PREP: variants seen among roughly 807,000 people sequenced by gnomAD.
The protein encoded by PREP is prolyl endopeptidase.
A neutral mutation model predicts 87.6 loss-of-function variants in PREP; 29 were observed. The observed-to-expected ratio is 0.33, with a 90% confidence interval of 0.25 to 0.45. The LOEUF (loss-of-function observed/expected upper bound fraction) is 0.45, where lower values mean the gene tolerates loss of function less well. Ranked by LOEUF, PREP falls within the 20% of genes least tolerant of loss-of-function variation. The pLI is 1.00. For synonymous variants in PREP, 337 were observed against 328.6 expected (o/e 1.03, Z -0.28); for missense variants, 695 against 886.5 (o/e 0.78, Z 2.74).
chr6:105,374,651 TATATATATATATATATATA>T (rs1562221710), intron 4 of PREP, among the ~76,000 whole-genome samples: 2 of 7,966 alleles, frequency 2.5e-4, no homozygotes, highest in African/African-American at 5.2e-3. Context: ...TATATATATA[TATATATATATATATATATA>T]TATATATATA....
intron 2 of PREP, among the ~76,000 whole-genome samples, chr6:105,384,761 G>C (rs772099830): frequency 6.6e-6 from 1 of 152,164 alleles, no homozygotes; most frequent in Non-Finnish European, 1.5e-5. Flanking sequence ...GGGCTACAAG[G>C]ACTGTGAGAA....
chr6:105,332,311 G>A (rs934261067), intron 8 of PREP, among the ~76,000 whole-genome samples: 2 of 151,958 alleles, frequency 1.3e-5, no homozygotes, highest in Admixed American at 6.6e-5. Flanking sequence ...CCCAAGCAAC[G>A]CTAGGTTTAA....
chr6:105,353,117 A>G (rs375588092), intron 6 of PREP, 40 bp from the exon 7 acceptor site: 37 of 1,475,044 alleles, frequency 2.5e-5, no homozygotes, highest in East Asian at 1.6e-4. Context: ...ACTAATTAGA[A>G]TTTATTTTTG....
rs550524341 is a variant in PREP at position 105,275,130 on chromosome 6, C to T, written c.*3014G>A. On this transcript the variant is annotated 3_prime_UTR_variant, in exon 15 of 15. Transcript: ENST00000652536. Reference sequence around the variant, plus strand: ...ACCACCCCAACAGTATGACCTTTGCCTCTTTACAGCAACCTCCACAGCTTT... The same window carrying T: ...ACCACCCCAACAGTATGACCTTTGCTTCTTTACAGCAACCTCCACAGCTTT... Among the ~76,000 whole-genome samples, 91 of 152,300 alleles carry T rather than the reference C, an allele frequency of 6.0e-4. No homozygotes were observed. The highest frequency in any genetic ancestry group is 2.9e-5 in the Non-Finnish European group (2 of 68,026).
Position 105,276,273 on chromosome 6 carries a change from TTCC to T in PREP, c.*1868_*1870del, listed in dbSNP as rs1253649072. ...TAGGCATTAAAAACGTATTACTGTATTCCTCCTCCTCCTCATCAGTTGCTAAGT... is the reference window on the plus strand; with the variant it reads ...TAGGCATTAAAAACGTATTACTGTATTCCTCCTCCTCATCAGTTGCTAAGT... On this transcript the variant is annotated 3_prime_UTR_variant, in exon 15 of 15. Transcript: ENST00000652536. 2.6e-5 allele frequency among the ~76,000 whole-genome samples: 4 copies of T among 152,262 alleles called. No homozygotes were observed. The highest frequency in any genetic ancestry group is 5.9e-5 in the Non-Finnish European group (4 of 68,042).
chr6:105,285,346 G>T, intron 12 of PREP, 140 bp downstream of exon 12: 1 of 695,640 alleles, frequency 1.4e-6, no homozygotes, highest in Non-Finnish European at 2.4e-6. Context: ...GCCTGTGTCT[G>T]ATAATATCCT....
At chr6:105,353,115 GA>G in intron 6 of PREP, 38 bp from the exon 7 acceptor site, 3 of 1,474,626 alleles carry the variant, frequency 2.0e-6, no homozygotes, top group Non-Finnish European at 2.8e-6. Context: ...GGACTAATTA[GA>G]ATTTATTTTT....
At chr6:105,366,801 G>A (rs1562217991) in intron 6 of PREP, among the ~76,000 whole-genome samples, 1 of 152,222 alleles carries the variant, frequency 6.6e-6, no homozygotes, top group Non-Finnish European at 1.5e-5. Flanking sequence ...GCTTGAAGAT[G>A]TTACGCTAAA....
chr6:105,296,325 G>A (rs1770410677), intron 10 of PREP, among the ~76,000 whole-genome samples: 1 of 150,274 alleles, frequency 6.7e-6, no homozygotes, highest in Middle Eastern at 3.3e-3. Context: ...ATCTTACATT[G>A]AAGGGTAGTA....
chr6:105,369,460 T>C (rs1772479509), intron 5 of PREP, among the ~76,000 whole-genome samples: 1 of 152,222 alleles, frequency 6.6e-6, no homozygotes, highest in African/African-American at 2.4e-5. Flanking sequence ...GACAAACTGA[T>C]TCTAAAGTTC....
chr6:105,397,116 C>T (rs368589478), intron 2 of PREP, among the ~76,000 whole-genome samples: 7 of 144,040 alleles, frequency 4.9e-5, no homozygotes, highest in African/African-American at 1.1e-4. Flanking sequence ...ACCCAGGAGG[C>T]GGAGGTTGCA....
At chr6:105,319,597 G>A (rs927986268) in intron 10 of PREP, among the ~76,000 whole-genome samples, 2 of 152,190 alleles carry the variant, frequency 1.3e-5, no homozygotes, top group African/African-American at 4.8e-5. Context: ...AGGGTACTGA[G>A]AGTAGGATTA....
chr6:105,381,255 G>A (rs530406935), intron 2 of PREP, among the ~76,000 whole-genome samples: 61 of 152,206 alleles, frequency 4.0e-4, no homozygotes, highest in African/African-American at 1.2e-3. Context: ...TTTATAACTC[G>A]GGCAAATCCT....
intron 6 of PREP, among the ~76,000 whole-genome samples, chr6:105,368,480 C>T (rs1772452513): frequency 6.6e-6 from 1 of 152,054 alleles, no homozygotes; most frequent in Non-Finnish European, 1.5e-5. Flanking sequence ...GAACAATATG[C>T]ATGAAAAGAG....
chr6:105,305,321 C>G (rs77566335), intron 10 of PREP, among the ~76,000 whole-genome samples: 369 of 152,178 alleles, frequency 2.4e-3, no homozygotes, highest in African/African-American at 8.2e-3. Context: ...TGCAACCAAG[C>G]AGTTCATGGC....
At chr6:105,303,517 GAA>G (rs909860463) in intron 10 of PREP, among the ~76,000 whole-genome samples, 1 of 144,534 alleles carries the variant, frequency 6.9e-6, no homozygotes, top group African/African-American at 2.5e-5. Context: ...AATCATGACT[GAA>G]AAAAAAAAAA....
intron 2 of PREP, among the ~76,000 whole-genome samples, chr6:105,379,039 G>A (rs965351780): frequency 1.3e-5 from 2 of 152,188 alleles, no homozygotes; most frequent in Non-Finnish European, 2.9e-5. Flanking sequence ...GACAAGGGAT[G>A]TAAAGTATGA....
In PREP at chr6:105,274,720, A is replaced by G. The variant is rs550588341; in HGVS notation, c.*3424T>C. Among the ~76,000 whole-genome samples the G allele has an allele frequency of 1.3e-5, 2 of 152,324 alleles. No individual in the cohort carries two copies. Among genetic ancestry groups the G allele is most frequent in the Admixed American group, 1.3e-4 (2 of 15,298 alleles). On this transcript the variant is annotated 3_prime_UTR_variant, in exon 15 of 15. Coordinates refer to ENST00000652536, the MANE Select transcript of PREP (RefSeq NM_002726.5). ...GAGGTGGAGGTTGCAGTAAGCTGAG[A>G]TAGCGCCATTGCACTCCAGCCTGGG... is the stretch of plus-strand genomic sequence containing the variant.
chr6:105,299,241 T>C (rs928257357), intron 10 of PREP, among the ~76,000 whole-genome samples: 1 of 152,244 alleles, frequency 6.6e-6, no homozygotes, highest in African/African-American at 2.4e-5. Context: ...CACTCCAGGC[T>C]GTCATCCAGC....
Sources: gnomAD v4.1 joint callset for allele counts (sites outside exome capture counted in the v4.1 genomes callset) on GRCh38, gnomAD v4.1.1 for gene constraint, MANE v1.5 for transcripts, NCBI Gene and HGNC (gene_info 2026-07-23, HGNC 2026-07-21) for gene names.